Variants in NRXN3 observed in about 807,000 individuals in gnomAD.
The protein encoded by NRXN3 is neurexin 3.
In NRXN3, 32 loss-of-function variants were observed where a neutral mutation model predicts 137.6. The ratio of observed to expected loss-of-function variants is 0.23; its 90% confidence interval spans 0.18 to 0.31. The LOEUF (loss-of-function observed/expected upper bound fraction) is 0.31. NRXN3 is among the 10% of genes least tolerant of loss of function. The probability of loss-of-function intolerance (pLI) is 1.00; values close to 1 mark genes in which losing one functional copy is unlikely to be tolerated. For missense variants in NRXN3, 1,574 were observed against 2,062.5 expected, an observed-to-expected ratio of 0.76 and a Z score of 4.59; for synonymous variants, 798 against 784.5, an observed-to-expected ratio of 1.02 and a Z score of -0.29.
At chr14:79,289,103 T>TC (rs1162167719) in intron 15 of NRXN3, among the ~76,000 whole-genome samples, 1 of 152,182 alleles carries the variant, frequency 6.6e-6, no homozygotes, top group African/African-American at 2.4e-5. Context: ...GGGTGAGGAC[T>TC]CAACTAAGAG....
chr14:79,221,076 C>A (rs2069551749), intron 15 of NRXN3, among the ~76,000 whole-genome samples: 1 of 152,160 alleles, frequency 6.6e-6, no homozygotes, highest in Non-Finnish European at 1.5e-5. Flanking sequence ...CTGCAAAGGA[C>A]ATGAACTCAT....
chr14:78,408,164 T>C (rs2092609895), intron 4 of NRXN3, among the ~76,000 whole-genome samples: 1 of 152,176 alleles, frequency 6.6e-6, no homozygotes, highest in Admixed American at 6.5e-5. Context: ...GGGAAGACCA[T>C]GTCCAAGTCT....
intron 15 of NRXN3, among the ~76,000 whole-genome samples, chr14:79,050,456 A>C (rs2099640252): frequency 6.6e-6 from 1 of 152,208 alleles, no homozygotes; most frequent in South Asian, 2.1e-4. Context: ...TGAAGCTGAA[A>C]TAGAACCTCA....
chr14:79,191,741 T>A (rs1318991256), intron 15 of NRXN3, among the ~76,000 whole-genome samples: 1 of 152,204 alleles, frequency 6.6e-6, no homozygotes, highest in Non-Finnish European at 1.5e-5. Flanking sequence ...TAAGTTTGCC[T>A]AAATGTATAC....
At chr14:78,893,620 G>A (rs78491913) in intron 10 of NRXN3, among the ~76,000 whole-genome samples, 1,791 of 152,032 alleles carry the variant, frequency 0.012, 18 homozygotes, top group Admixed American at 0.018. Context: ...TGGAATTGCA[G>A]AATTAATAGT....
chr14:79,244,984 T>G (rs961772357), intron 15 of NRXN3, among the ~76,000 whole-genome samples: 3 of 152,088 alleles, frequency 2.0e-5, no homozygotes. Flanking sequence ...GATATAACAG[T>G]GGAAGGAGGT....
At chr14:79,076,403 C>T (rs1217861951) in intron 15 of NRXN3, among the ~76,000 whole-genome samples, 1 of 152,096 alleles carries the variant, frequency 6.6e-6, no homozygotes, top group Non-Finnish European at 1.5e-5. Context: ...AGGCTGCAAC[C>T]GAGGTGACAG....
At chr14:78,900,025 A>G (rs2099190400) in intron 10 of NRXN3, among the ~76,000 whole-genome samples, 2 of 151,774 alleles carry the variant, frequency 1.3e-5, no homozygotes, top group African/African-American at 4.8e-5. Flanking sequence ...GGCATTTTCT[A>G]TTTTCACTTT....
intron 17 of NRXN3, among the ~76,000 whole-genome samples, chr14:79,690,084 C>T (rs142109829): frequency 7.9e-5 from 12 of 152,260 alleles, no homozygotes; most frequent in South Asian, 4.1e-4. Flanking sequence ...GCAGATCTGG[C>T]GCAAGCCAAT....
chr14:78,641,175 C>A (rs191853988), intron 4 of NRXN3, among the ~76,000 whole-genome samples: 4 of 152,218 alleles, frequency 2.6e-5, no homozygotes, highest in East Asian at 3.9e-4. Context: ...TTTGGTTTTG[C>A]CCCTTTTAGT....
chr14:78,903,328 G>T (rs2099203689), intron 10 of NRXN3, among the ~76,000 whole-genome samples: 1 of 151,638 alleles, frequency 6.6e-6, no homozygotes, highest in Admixed American at 6.6e-5. Context: ...TCTTTGTAGA[G>T]ATAGGGTTTC....
At chr14:78,560,111 G>A (rs1403528331) in intron 4 of NRXN3, among the ~76,000 whole-genome samples, 1 of 152,164 alleles carries the variant, frequency 6.6e-6, no homozygotes, top group East Asian at 1.9e-4. Flanking sequence ...ATCTAGGAGT[G>A]GAAAGTCACA....
At chr14:78,399,864 C>T (rs978508027) in intron 4 of NRXN3, among the ~76,000 whole-genome samples, 10 of 152,108 alleles carry the variant, frequency 6.6e-5, no homozygotes, top group African/African-American at 2.4e-4. Flanking sequence ...AAAAGTCCTC[C>T]GGAAAAATGC....
chr14:79,321,656 A>G (rs887762010), intron 15 of NRXN3, among the ~76,000 whole-genome samples: 1 of 151,742 alleles, frequency 6.6e-6, no homozygotes, highest in South Asian at 2.1e-4. Flanking sequence ...ATATATGTGT[A>G]TAGTTCCTGG....
At chr14:79,450,613 C>T (rs2096152212) in intron 15 of NRXN3, among the ~76,000 whole-genome samples, 1 of 152,082 alleles carries the variant, frequency 6.6e-6, no homozygotes, top group Non-Finnish European at 1.5e-5. Flanking sequence ...AATCCCAGCA[C>T]TTTGGTAGGC....
intron 4 of NRXN3, among the ~76,000 whole-genome samples, chr14:78,329,173 A>G (rs1330011234): frequency 6.6e-6 from 1 of 152,198 alleles, no homozygotes; most frequent in African/African-American, 2.4e-5. Flanking sequence ...TAGTAATTAC[A>G]AAGTTCACTT....
chr14:79,820,881 G>A (rs926682569), intron 20 of NRXN3, among the ~76,000 whole-genome samples: 2 of 152,114 alleles, frequency 1.3e-5, no homozygotes, highest in African/African-American at 2.4e-5. Flanking sequence ...ACCCCAGAGG[G>A]AGCATAAGGT....
chr14:79,414,858 C>T (rs1366890457), intron 15 of NRXN3, among the ~76,000 whole-genome samples: 2 of 152,066 alleles, frequency 1.3e-5, no homozygotes, highest in Admixed American at 6.6e-5. Flanking sequence ...CCACACCTCC[C>T]CATTTCCCCT....
At chr14:78,907,564 A>C (rs977808823) in intron 10 of NRXN3, among the ~76,000 whole-genome samples, 2 of 152,048 alleles carry the variant, frequency 1.3e-5, no homozygotes, top group African/African-American at 4.8e-5. Context: ...ACTGCTTTCC[A>C]GTTAGTATAT....
Sources: allele counts gnomAD v4.1 joint callset (sites outside exome capture counted in the v4.1 genomes callset), GRCh38; gene constraint gnomAD v4.1.1; transcripts MANE v1.5; gene names NCBI Gene and HGNC (gene_info 2026-07-23, HGNC 2026-07-21).